The following SRRM4 variants were observed in gnomAD, a reference collection of about 807,000 sequenced individuals.
The protein encoded by SRRM4 is serine/arginine repetitive matrix protein 4.
SRRM4 carries 33 observed loss-of-function variants against 68.9 expected under a neutral mutation model. That is an observed-to-expected ratio of 0.48 (90% CI 0.36 to 0.64). SRRM4 has a LOEUF of 0.64. SRRM4 is among the 30% of genes least tolerant of loss of function. The probability of loss-of-function intolerance (pLI) is 0.00; values close to 1 mark genes in which losing one functional copy is unlikely to be tolerated. For missense variants in SRRM4, 817 were observed against 827.1 expected, an observed-to-expected ratio of 0.99 and a Z score of 0.15; for synonymous variants, 318 against 318.8, an observed-to-expected ratio of 1.00 and a Z score of 0.03.
chr12:119,125,485 C>CT lies in SRRM4; in HGVS notation c.614+6_614+7insT. ...CCCTCAAGCTGTGAGAGCAGGTAAC[C>CT]CCTTGCCCCAGGATCCTCTTCTGTC... is the stretch of plus-strand genomic sequence containing the variant. On this transcript the variant is annotated splice_region_variant and intron_variant, in intron 7 of 12. Transcript: ENST00000267260. The CT allele has an allele frequency of 6.2e-7, 1 of 1,611,970 alleles. No homozygotes were observed. The highest frequency in any genetic ancestry group is 2.2e-5 in the East Asian group (1 of 44,726).
intron 1 of SRRM4, among the ~76,000 whole-genome samples, chr12:119,078,702 T>C (rs58162750): frequency 0.3 from 45,059 of 151,982 alleles, 7,189 homozygotes; most frequent in East Asian, 0.43. Context: ...GGAGGATTGC[T>C]TGAGCCCAGA....
At chr12:119,123,422 C>T (rs1201901791) in intron 6 of SRRM4, among the ~76,000 whole-genome samples, 1 of 152,080 alleles carries the variant, frequency 6.6e-6, no homozygotes, top group African/African-American at 2.4e-5. Context: ...CCAGCAATCT[C>T]GGTGTCACTT....
chr12:119,130,214 A>ATG (rs1954287135), intron 7 of SRRM4, among the ~76,000 whole-genome samples: 1 of 150,348 alleles, frequency 6.7e-6, no homozygotes, highest in African/African-American at 2.5e-5. Context: ...TTAGACAGAT[A>ATG]GATGGATGGA....
At position 119,007,338 on chromosome 12, in the gene SRRM4, G is replaced by A. The variant is rs77290355; in HGVS notation, c.131+25325G>A. Among the ~76,000 whole-genome samples the A allele has an allele frequency of 3.9e-3, 597 of 152,190 alleles. 7 individuals are homozygous for A. Among genetic ancestry groups the A allele is most frequent in the African/African-American group, 0.014 (565 of 41,538 alleles). On this transcript the variant is annotated intron_variant, in intron 1 of 12. Coordinates refer to ENST00000267260, the MANE Select transcript of SRRM4 (RefSeq NM_194286.4). ...TGTACAAAAAATAAAATATTACTGC[G>A]CAGGAGAACAAACAAATATTTTGGA...
At chr12:119,048,096 C>T (rs961992189) in intron 1 of SRRM4, among the ~76,000 whole-genome samples, 1 of 152,180 alleles carries the variant, frequency 6.6e-6, no homozygotes, top group Non-Finnish European at 1.5e-5. Context: ...ATGTTGCCCC[C>T]ACTGCAACCC....
intron 10 of SRRM4, among the ~76,000 whole-genome samples, chr12:119,151,881 T>C (rs978054264): frequency 1.3e-5 from 2 of 152,238 alleles, no homozygotes; most frequent in African/African-American, 4.8e-5. Flanking sequence ...CCTTCTGCTA[T>C]TCTATTAGCC....
chr12:119,128,605 A>G (rs68088616), intron 7 of SRRM4, among the ~76,000 whole-genome samples: 16,944 of 152,214 alleles, frequency 0.11, 1,182 homozygotes, highest in African/African-American at 0.19. Context: ...AATGAGCTAA[A>G]ACACATCTCT....
intron 1 of SRRM4, among the ~76,000 whole-genome samples, chr12:119,091,789 C>A (rs990648287): frequency 6.6e-6 from 1 of 152,140 alleles, no homozygotes; most frequent in Admixed American, 6.5e-5. Flanking sequence ...GTGCAGCTTG[C>A]CTTGTATCCT....
At chr12:119,092,262 C>A (rs1954018416) in intron 1 of SRRM4, among the ~76,000 whole-genome samples, 1 of 152,148 alleles carries the variant, frequency 6.6e-6, no homozygotes, top group South Asian at 2.1e-4. Context: ...AAGATCCAGT[C>A]TCCTGGCTTT....
At chr12:118,992,626 C>T (rs1390235611) in intron 1 of SRRM4, among the ~76,000 whole-genome samples, 1 of 152,178 alleles carries the variant, frequency 6.6e-6, no homozygotes, top group Middle Eastern at 3.2e-3. Flanking sequence ...TGGTTGTTTG[C>T]TGCAGGAACG....
In SRRM4 at chr12:119,122,073, C is replaced by T. The variant is rs1360226787; in HGVS notation, c.468C>T (p.Ser156=). 3 of 1,608,480 alleles carry T rather than the reference C, an allele frequency of 1.9e-6. No individual in the cohort carries two copies. Among genetic ancestry groups the T allele is most frequent in the Non-Finnish European group, 2.6e-6 (3 of 1,175,048 alleles). The change falls in exon 6 of 13, where the codon TCC becomes TCT. Residue 156 remains serine (S), a synonymous_variant. Coordinates refer to ENST00000267260, the MANE Select transcript of SRRM4 (RefSeq NM_194286.4). ...RSFSKKRRHS[S]SSPKSKRRDE... Reference sequence around the variant, plus strand: ...TAATTGACCATTTCTTGTTTAGCTCCTCTAGCCCAAAAAGCAAAAGAAGAG... The same window carrying T: ...TAATTGACCATTTCTTGTTTAGCTCTTCTAGCCCAAAAAGCAAAAGAAGAG...
At chr12:119,082,702 AG>A (rs1193551781) in intron 1 of SRRM4, among the ~76,000 whole-genome samples, 1 of 152,174 alleles carries the variant, frequency 6.6e-6, no homozygotes, top group South Asian at 2.1e-4. Flanking sequence ...GCCTCCAGCC[AG>A]GGGAAGCAGT....
At chr12:119,085,908 G>A (rs141245438) in intron 1 of SRRM4, among the ~76,000 whole-genome samples, 29 of 152,186 alleles carry the variant, frequency 1.9e-4, no homozygotes, top group Admixed American at 5.2e-4. Context: ...GTAGGAAGCC[G>A]GTAGAGCTAG....
chr12:119,088,947 C>G (rs565194098), intron 1 of SRRM4, among the ~76,000 whole-genome samples: 1 of 152,194 alleles, frequency 6.6e-6, no homozygotes, highest in African/African-American at 2.4e-5. Flanking sequence ...TCTCCAGGAG[C>G]TGGACACTAT....
rs377586160 is a variant in SRRM4 at position 119,058,319 on chromosome 12, T to A, written c.132-43917T>A. Among the ~76,000 whole-genome samples, 17 of 152,296 alleles carry A rather than the reference T, an allele frequency of 1.1e-4. No individual in the cohort carries two copies. The South Asian group carries it at 3.1e-3, about 28-fold the overall frequency. On this transcript the variant is annotated intron_variant, in intron 1 of 12. Coordinates refer to ENST00000267260, the MANE Select transcript of SRRM4 (RefSeq NM_194286.4). ...ACATGTGGTTAACAAATAGTAAAGA[T>A]TAACAATAATTAGTCAATCTTTAAT...
intron 1 of SRRM4, among the ~76,000 whole-genome samples, chr12:119,086,400 G>A (rs1953979998): frequency 6.6e-6 from 1 of 152,158 alleles, no homozygotes; most frequent in Non-Finnish European, 1.5e-5. Flanking sequence ...ACCACCAGGG[G>A]CTGAGAAATA....
At chr12:119,085,705 T>A (rs1232334218) in intron 1 of SRRM4, among the ~76,000 whole-genome samples, 1 of 152,174 alleles carries the variant, frequency 6.6e-6, no homozygotes, top group South Asian at 2.1e-4. Flanking sequence ...TGCATGGACA[T>A]CAGGCTGGCC....
intron 3 of SRRM4, among the ~76,000 whole-genome samples, chr12:119,114,707 C>G (rs926846238): frequency 2.8e-5 from 4 of 143,158 alleles, no homozygotes; most frequent in Admixed American, 1.5e-4. Context: ...CTCTGTCACC[C>G]AGGCTGGAGT....
chr12:119,151,696 G>A (rs1048382796), intron 10 of SRRM4, among the ~76,000 whole-genome samples: 27 of 152,120 alleles, frequency 1.8e-4, no homozygotes, highest in African/African-American at 6.3e-4. Context: ...TGATTGACTG[G>A]TGGGTTGGCT....
Sources: gnomAD v4.1 joint callset for allele counts (sites outside exome capture counted in the v4.1 genomes callset) on GRCh38, gnomAD v4.1.1 for gene constraint, MANE v1.5 for transcripts, NCBI Gene and HGNC (gene_info 2026-07-23, HGNC 2026-07-21) for gene names.